The following EML6 variants were observed in gnomAD, a reference collection of about 807,000 sequenced individuals.
The protein encoded by EML6 is EMAP like 6.
Under a neutral mutation model 240.1 loss-of-function variants are expected in EML6, and 154 were observed. That is an observed-to-expected ratio of 0.64 (90% CI 0.56 to 0.73). The LOEUF is 0.73. EML6 is among the 30% of genes least tolerant of loss of function. The probability of loss-of-function intolerance (pLI) is 0.00; values close to 1 mark genes in which losing one functional copy is unlikely to be tolerated. For synonymous variants in EML6, 1,148 were observed against 899.0 expected, an observed-to-expected ratio of 1.28 and a Z score of -4.95; for missense variants, 2,964 against 2,474.6, an observed-to-expected ratio of 1.20 and a Z score of -4.20.
chr2:54,790,651 AC>A (rs1266812184), intron 2 of EML6, among the ~76,000 whole-genome samples: 2 of 151,942 alleles, frequency 1.3e-5, no homozygotes, highest in Non-Finnish European at 2.9e-5. Flanking sequence ...AGGCTTTCCC[AC>A]AGTTGATCAT....
intron 2 of EML6, among the ~76,000 whole-genome samples, chr2:54,737,752 A>G (rs921963824): frequency 6.6e-6 from 1 of 152,188 alleles, no homozygotes; most frequent in Non-Finnish European, 1.5e-5. Context: ...GCGGTTGAAC[A>G]GGTCGTGTCA....
chr2:54,887,872 C>G (rs900121341), intron 17 of EML6, among the ~76,000 whole-genome samples: 4 of 152,212 alleles, frequency 2.6e-5, no homozygotes, highest in Non-Finnish European at 5.9e-5. Flanking sequence ...CCCTCCTGCA[C>G]TAGACGGTAC....
intron 37 of EML6, 133 bp downstream of exon 37, chr2:54,964,291 G>A: frequency 1.1e-6 from 1 of 873,394 alleles, no homozygotes; most frequent in Non-Finnish European, 1.7e-6. Flanking sequence ...ACCTATGAAA[G>A]AATACCTTCT....
chr2:54,749,603 G>A (rs570228042), intron 2 of EML6, among the ~76,000 whole-genome samples: 13 of 151,966 alleles, frequency 8.6e-5, no homozygotes, highest in Non-Finnish European at 1.6e-4. Context: ...TATGTACTGG[G>A]CACGCTGAGC....
intron 17 of EML6, chr2:54,882,857 C>CAAAAAAAAAAAAAAAAAAAAAAAAA: frequency 0.013 from 206 of 15,752 alleles, 51 homozygotes; most frequent in Non-Finnish European, 0.018. Flanking sequence ...GACTCCGTCT[C>CAAAAAAAAAAAAAAAAAAAAAAAAA]AAAAAAAAAA....
In EML6 at chr2:54,869,272, C is replaced by T. The variant is rs202090446; in HGVS notation, c.2143C>T (p.Arg715Trp). 1.3e-5 allele frequency: 20 copies of T among 1,551,474 alleles called. No individual in the cohort carries two copies. The highest frequency in any genetic ancestry group is 4.1e-5 in the African/African-American group (3 of 72,996). ...HIAAVAVVYN[R>W]QQHSQRLYLG... Reference sequence around the variant, plus strand: ...TGCTGCAGTTGCTGTCGTGTATAATCGGCAGCAGCACTCCCAGAGGCTGTA... The same window carrying T: ...TGCTGCAGTTGCTGTCGTGTATAATTGGCAGCAGCACTCCCAGAGGCTGTA... The change falls in exon 15 of 42, where the codon CGG (arginine) becomes TGG (tryptophan). Residue 715 changes from arginine (R) to tryptophan (W), a missense_variant. By Grantham distance (101) the Arg-to-Trp change is moderately radical (BLOSUM62 -3). Transcript: ENST00000356458.
At chr2:54,918,566 C>G (rs1343674436) in intron 26 of EML6, among the ~76,000 whole-genome samples, 1 of 152,116 alleles carries the variant, frequency 6.6e-6, no homozygotes, top group East Asian at 1.9e-4. Flanking sequence ...AGGCTGGTCC[C>G]AAACTCTTGG....
intron 7 of EML6, among the ~76,000 whole-genome samples, chr2:54,830,998 T>C (rs1483535879): frequency 6.6e-6 from 1 of 152,034 alleles, no homozygotes; most frequent in Non-Finnish European, 1.5e-5. Flanking sequence ...TGCCATAGAG[T>C]GTGGGCCAGG....
Position 54,863,832 on chromosome 2 carries a change from T to A in EML6, c.1875T>A (p.Asp625Glu), listed in dbSNP as rs780059782. Residue 625 changes from aspartate (D) to glutamate (E), a missense_variant, in exon 13 of 42, where the codon GAT becomes GAA. Physicochemically the swap from Asp to Glu is conservative, Grantham distance 45. Transcript: ENST00000356458. ...YSEESDSDLSDVPELDSDIEQ... is the reference protein window; with the variant it reads ...YSEESDSDLSEVPELDSDIEQ... ...AAGAATCTGATTCAGATTTATCTGA[T>A]GTGCCCGAACTGGACTCTGATATTG... The A allele has an allele frequency of 1.9e-6, 3 of 1,549,922 alleles. No homozygotes were observed. Among genetic ancestry groups the A allele is most frequent in the South Asian group, 1.2e-5 (1 of 83,462 alleles).
Position 54,820,212 on chromosome 2 carries a change from T to C in EML6, c.457-182T>C, listed in dbSNP as rs577935049. Reference sequence around the variant, plus strand: ...CTACTCAGGCCTTAAGGTAAGTAGATATGAGGTGATAACGTGTGTGTTAGT... The same window carrying C: ...CTACTCAGGCCTTAAGGTAAGTAGACATGAGGTGATAACGTGTGTGTTAGT... On this transcript the variant is annotated intron_variant, in intron 4 of 41. Transcript: ENST00000356458. Among the ~76,000 whole-genome samples, 10 of 152,306 alleles carry C rather than the reference T, an allele frequency of 6.6e-5. No individual in the cohort carries two copies. In the South Asian group the frequency reaches 2.1e-3, roughly 32 times the overall value.
At chr2:54,926,310 C>T (rs979837809) in intron 26 of EML6, among the ~76,000 whole-genome samples, 14 of 152,216 alleles carry the variant, frequency 9.2e-5, no homozygotes, top group African/African-American at 3.1e-4. Context: ...CCATGTTGGC[C>T]AGGCTGGTCT....
At chr2:54,841,105 G>T (rs942976469) in intron 7 of EML6, among the ~76,000 whole-genome samples, 7 of 152,256 alleles carry the variant, frequency 4.6e-5, no homozygotes, top group African/African-American at 7.2e-5. Context: ...AAGGAGGGGG[G>T]GCTGTGGCAA....
chr2:54,888,008 C>T (rs1558652429), intron 17 of EML6, among the ~76,000 whole-genome samples: 2 of 152,216 alleles, frequency 1.3e-5, no homozygotes, highest in Non-Finnish European at 2.9e-5. Flanking sequence ...ACATATTTTT[C>T]ATGTAGCGTT....
intron 28 of EML6, among the ~76,000 whole-genome samples, chr2:54,936,711 T>G (rs1233636766): frequency 6.6e-6 from 1 of 152,202 alleles, no homozygotes; most frequent in African/African-American, 2.4e-5. Flanking sequence ...TATCCAGGGA[T>G]GAATAAATGA....
chr2:54,916,661 T>C (rs1573136103), intron 25 of EML6, 98 bp from the exon 26 acceptor site: 2 of 971,572 alleles, frequency 2.1e-6, no homozygotes, highest in Non-Finnish European at 2.9e-6. Flanking sequence ...TGCCTAACGT[T>C]GGCAAAGTAA....
chr2:54,963,901 A>G (rs1257949683), intron 36 of EML6, 85 bp from the exon 37 acceptor site: 3 of 1,322,746 alleles, frequency 2.3e-6, no homozygotes, highest in Non-Finnish European at 1.0e-6. Context: ...GGGCAGCCTG[A>G]CTTCTCTGGC....
intron 18 of EML6, among the ~76,000 whole-genome samples, chr2:54,891,703 A>G (rs1235287479): frequency 6.6e-6 from 1 of 152,238 alleles, no homozygotes; most frequent in Non-Finnish European, 1.5e-5. Flanking sequence ...TCTTAGTATC[A>G]GCTTTGGTGC....
At chr2:54,802,617 C>CATA (rs1487622709) in intron 2 of EML6, among the ~76,000 whole-genome samples, 1 of 106,436 alleles carries the variant, frequency 9.4e-6, no homozygotes, top group Non-Finnish European at 1.9e-5. Context: ...GACCCTGTCT[C>CATA]ATACTACTAC....
At chr2:54,777,086 G>C (rs182631570) in intron 2 of EML6, among the ~76,000 whole-genome samples, 1 of 152,172 alleles carries the variant, frequency 6.6e-6, no homozygotes, top group Non-Finnish European at 1.5e-5. Flanking sequence ...CTGCAGCTTT[G>C]CTGTCCACAT....
Sources: gnomAD v4.1 joint callset for allele counts (sites outside exome capture counted in the v4.1 genomes callset) on GRCh38, gnomAD v4.1.1 for gene constraint, MANE v1.5 for transcripts, NCBI Gene and HGNC (gene_info 2026-07-23, HGNC 2026-07-21) for gene names.